DHX57: variants seen among roughly 807,000 people sequenced by gnomAD.
The protein encoded by DHX57 is putative ATP-dependent RNA helicase DHX57.
Under a neutral mutation model 156.2 loss-of-function variants are expected in DHX57, and 105 were observed. The ratio of observed to expected loss-of-function variants is 0.67; its 90% CI spans 0.57 to 0.79. DHX57 has a LOEUF of 0.79. DHX57 is among the 30% of genes least tolerant of loss of function. DHX57 has a pLI of 0.00. For missense variants in DHX57, 1,847 were observed against 1,661.9 expected (o/e 1.11, Z -1.94); for synonymous variants, 704 against 595.6 (o/e 1.18, Z -2.65).
chr2:38,846,973 A>C (rs775530441), intron 11 of DHX57, 46 bp downstream of exon 11: 2 of 1,527,524 alleles, frequency 1.3e-6, no homozygotes, highest in Admixed American at 3.4e-5. Flanking sequence ...GGGATGAACC[A>C]CCATGCCAGG....
At chr2:38,848,809 T>A (rs964636246) in intron 9 of DHX57, among the ~76,000 whole-genome samples, 1 of 152,192 alleles carries the variant, frequency 6.6e-6, no homozygotes, top group Non-Finnish European at 1.5e-5. Flanking sequence ...CATTGAACCA[T>A]CGGAGAGCAA....
chr2:38,807,899 G>T (rs1029306531), intron 21 of DHX57, among the ~76,000 whole-genome samples: 4 of 142,010 alleles, frequency 2.8e-5, no homozygotes, highest in African/African-American at 1.1e-4. Context: ...ACTTCCCTCT[G>T]TCTCCCAAAG....
At chr2:38,827,533 T>TATATATAC (rs1222862055) in intron 14 of DHX57, among the ~76,000 whole-genome samples, 4 of 48,262 alleles carry the variant, frequency 8.3e-5, no homozygotes, top group Admixed American at 4.7e-4. Context: ...TATATATATA[T>TATATATAC]ACACACATAC....
Position 38,863,380 on chromosome 2 carries a change from C to G in DHX57, c.364G>C (p.Asp122His). The change falls in exon 3 of 24, where the codon GAT (aspartate) becomes CAT (histidine). Residue 122 changes from aspartate (D) to histidine (H), a missense_variant. Coordinates refer to ENST00000457308, the MANE Select transcript of DHX57 (RefSeq NM_198963.3). ...KALLRDLQEQ[D>H]ADAGSERGLS... ...ATTTACTCAGATCCAGCATCAGCAT[C>G]TTGTTCTTGCAGGTCTCGGAGAAGA... is the stretch of plus-strand genomic sequence containing the variant. 1.2e-6 allele frequency: 2 copies of G among 1,612,242 alleles called. No individual in the cohort carries two copies. Among genetic ancestry groups the G allele is most frequent in the South Asian group, 2.2e-5 (2 of 90,782 alleles).
intron 12 of DHX57, among the ~76,000 whole-genome samples, chr2:38,842,447 T>A (rs1193314729): frequency 6.6e-6 from 1 of 152,190 alleles, no homozygotes; most frequent in Non-Finnish European, 1.5e-5. Context: ...GTGTTAAATG[T>A]CCTCATTTTG....
At position 38,843,112 on chromosome 2, in the gene DHX57, A is replaced by C; in HGVS notation, c.2318T>G (p.Val773Gly). The C allele has an allele frequency of 6.2e-7, 1 of 1,614,176 alleles. No individual in the cohort carries two copies. Among genetic ancestry groups the C allele is most frequent in the Non-Finnish European group, 8.5e-7 (1 of 1,180,020 alleles). ...ARRNRTAFEE[V>G]EEDLRLSLHL... ...AAGGGAGAGCCTTAGGTCTTCTTCC[A>C]CTTCTTCAAATGCAGTTCTGTTCCG... Residue 773 changes from valine (V) to glycine (G), a missense_variant, in exon 12 of 24, where the codon GTG (valine) becomes GGG (glycine). By Grantham distance (109) the Val-to-Gly change is moderately radical. Coordinates refer to ENST00000457308, the MANE Select transcript of DHX57 (RefSeq NM_198963.3).
chr2:38,822,672 G>C (rs1425498847), intron 17 of DHX57, among the ~76,000 whole-genome samples: 2 of 152,170 alleles, frequency 1.3e-5, no homozygotes, highest in Non-Finnish European at 2.9e-5. Context: ...GGGGATTACA[G>C]GCATAAGCCA....
intron 1 of DHX57, among the ~76,000 whole-genome samples, chr2:38,872,769 A>G (rs1218488252): frequency 3.3e-5 from 5 of 152,248 alleles, no homozygotes; most frequent in Admixed American, 1.3e-4. Context: ...TAGACAATTC[A>G]ATAATAATAG....
At chr2:38,836,060 A>C (rs1048575579) in intron 13 of DHX57, among the ~76,000 whole-genome samples, 4 of 152,338 alleles carry the variant, frequency 2.6e-5, no homozygotes, top group Non-Finnish European at 5.9e-5. Flanking sequence ...CAGCAAACAC[A>C]TTGACATTAG....
intron 5 of DHX57, among the ~76,000 whole-genome samples, 159 bp from the exon 6 acceptor site, chr2:38,858,995 T>C (rs1673048895): frequency 6.6e-6 from 1 of 152,200 alleles, no homozygotes; most frequent in African/African-American, 2.4e-5. Flanking sequence ...TTTCTATTTC[T>C]AAAGAACTTA....
At chr2:38,849,339 C>A (rs1314533011) in intron 9 of DHX57, among the ~76,000 whole-genome samples, 1 of 152,152 alleles carries the variant, frequency 6.6e-6, no homozygotes, top group Non-Finnish European at 1.5e-5. Context: ...AATAACACCA[C>A]CCTAATTGGT....
intron 5 of DHX57, 106 bp downstream of exon 5, chr2:38,860,893 C>A: frequency 1.1e-6 from 1 of 926,578 alleles, no homozygotes; most frequent in Non-Finnish European, 1.6e-6. Flanking sequence ...ATGGCTTGTT[C>A]AGCTTGTTCA....
intron 13 of DHX57, among the ~76,000 whole-genome samples, chr2:38,836,181 G>A (rs911220753): frequency 1.3e-5 from 2 of 152,130 alleles, no homozygotes; most frequent in African/African-American, 4.8e-5. Context: ...GTACTATATA[G>A]AAACATTTTT....
intron 11 of DHX57, 58 bp from the exon 12 acceptor site, chr2:38,843,268 A>G: frequency 1.3e-6 from 2 of 1,560,632 alleles, no homozygotes. Flanking sequence ...GAGGAGGGAA[A>G]GAATTCACCT....
At chr2:38,832,551 A>T (rs201053445) in intron 13 of DHX57, among the ~76,000 whole-genome samples, 35,307 of 89,216 alleles carry the variant, frequency 0.4, 4,557 homozygotes, top group Admixed American at 0.46. Context: ...ATATATATAT[A>T]TTTTTTTTTT....
chr2:38,807,936 G>GCACCCAGCCAGTATA (rs1380398791), intron 21 of DHX57, among the ~76,000 whole-genome samples: 1 of 130,276 alleles, frequency 7.7e-6, no homozygotes, highest in African/African-American at 2.9e-5. Context: ...GTGAGCCACT[G>GCACCCAGCCAGTATA]TGTCTTGCCT....
intron 5 of DHX57, among the ~76,000 whole-genome samples, chr2:38,859,817 CTT>C (rs200526041): frequency 5.2e-5 from 7 of 135,658 alleles, no homozygotes; most frequent in African/African-American, 5.5e-5. Flanking sequence ...AAAGAGGATC[CTT>C]TTTTTTTTTT....
intron 1 of DHX57, among the ~76,000 whole-genome samples, chr2:38,872,678 T>A (rs910042885): frequency 6.6e-6 from 1 of 152,134 alleles, no homozygotes; most frequent in Admixed American, 6.5e-5. Context: ...CAGGAAATGA[T>A]AACAATTAAA....
chr2:38,829,458 A>G (rs1671269671), intron 13 of DHX57, among the ~76,000 whole-genome samples: 1 of 150,524 alleles, frequency 6.6e-6, no homozygotes, highest in Non-Finnish European at 1.5e-5. Context: ...GTTTTAGTAG[A>G]GACAGGTTTC....
Sources: gnomAD v4.1 joint callset for allele counts (sites outside exome capture counted in the v4.1 genomes callset) on GRCh38, gnomAD v4.1.1 for gene constraint, MANE v1.5 for transcripts, NCBI Gene and HGNC (gene_info 2026-07-23, HGNC 2026-07-21) for gene names.